BNC2: variants seen among roughly 807,000 people sequenced by gnomAD.
BNC2 encodes the protein basonuclin zinc finger protein 2.
BNC2 carries 20 observed loss-of-function variants against 76.3 expected under a neutral mutation model. The observed-to-expected ratio is 0.26, with a 90% CI of 0.18 to 0.38. The LOEUF (loss-of-function observed/expected upper bound fraction) is 0.38. Ranked by LOEUF, BNC2 falls within the 10% of genes least tolerant of loss-of-function variation. The pLI is 1.00. For synonymous variants in BNC2, 582 were observed against 514.8 expected (o/e 1.13, Z -1.77); for missense variants, 1,382 against 1,399.8 (o/e 0.99, Z 0.20).
chr9:16,738,599 A>C, intron 1 of BNC2, 114 bp from the exon 2 acceptor site: 2 of 1,196,000 alleles, frequency 1.7e-6, no homozygotes, highest in Non-Finnish European at 2.4e-6. Context: ...GACCAACTAA[A>C]CACATTTTTT....
At chr9:16,481,135 A>T (rs1375483031) in intron 5 of BNC2, among the ~76,000 whole-genome samples, 1 of 152,124 alleles carries the variant, frequency 6.6e-6, no homozygotes, top group African/African-American at 2.4e-5. Context: ...CTTTGTGTCC[A>T]TACTCTGTAT....
At position 16,517,065 on chromosome 9, in the gene BNC2, T is replaced by TTC. The variant is rs538857751; in HGVS notation, c.669+35463_669+35464dup. On this transcript the variant is annotated intron_variant, in intron 5 of 6. Transcript: ENST00000380672. ...AAAAAGTTTGGATACTGCTGTGTTG[T>TTC]TCTAAACTGACTGAGGTTTTGAGGA... 8.5e-5 allele frequency among the ~76,000 whole-genome samples: 13 copies of TTC among 152,338 alleles called. No individual in the cohort carries two copies. In the South Asian group the frequency reaches 2.7e-3, roughly 32 times the overall value.
intron 4 of BNC2, among the ~76,000 whole-genome samples, chr9:16,571,762 C>A (rs772083904): frequency 2.6e-5 from 4 of 152,084 alleles, no homozygotes; most frequent in Non-Finnish European, 5.9e-5. Flanking sequence ...CTGTGTGACA[C>A]CTGTTTTTGT....
chr9:16,480,070 A>T (rs1822013403), intron 5 of BNC2, among the ~76,000 whole-genome samples: 1 of 152,246 alleles, frequency 6.6e-6, no homozygotes, highest in Middle Eastern at 3.2e-3. Flanking sequence ...ACAACATTCA[A>T]CACAGGTAAC....
At chr9:16,786,534 T>G (rs1221412915) in intron 1 of BNC2, among the ~76,000 whole-genome samples, 2 of 152,304 alleles carry the variant, frequency 1.3e-5, no homozygotes, top group East Asian at 3.9e-4. Flanking sequence ...TCCCCCAAAC[T>G]GTGGCTCTTC....
At chr9:16,708,684 G>T (rs995843783) in intron 3 of BNC2, among the ~76,000 whole-genome samples, 10 of 152,000 alleles carry the variant, frequency 6.6e-5, no homozygotes, top group African/African-American at 2.4e-4. Context: ...AGATGGGGAG[G>T]AGCAAAATGG....
intron 5 of BNC2, among the ~76,000 whole-genome samples, chr9:16,538,649 G>C (rs1225332983): frequency 1.3e-5 from 2 of 152,130 alleles, no homozygotes; most frequent in Admixed American, 1.3e-4. Context: ...ATAAATAAGT[G>C]GGTTTTCCAT....
chr9:16,770,493 A>G (rs1321563954), intron 1 of BNC2, among the ~76,000 whole-genome samples: 1 of 152,204 alleles, frequency 6.6e-6, no homozygotes, highest in Non-Finnish European at 1.5e-5. Context: ...AAAGGAACCA[A>G]AATGACCCAT....
chr9:16,841,527 C>T (rs566368994), intron 1 of BNC2, among the ~76,000 whole-genome samples: 2 of 42,862 alleles, frequency 4.7e-5, no homozygotes, highest in East Asian at 1.6e-3. Context: ...ATCATATCAT[C>T]AAAAGCTAAT....
chr9:16,425,226 T>C (rs1020325293), intron 6 of BNC2, among the ~76,000 whole-genome samples: 1 of 152,172 alleles, frequency 6.6e-6, no homozygotes, highest in Non-Finnish European at 1.5e-5. Context: ...TTCAAATTAT[T>C]CACTTGAAGA....
At position 16,418,364 on chromosome 9, in the gene BNC2, C is replaced by T. The variant is rs1160422208; in HGVS notation, c.*625G>A. ...CTAGCCAGCAAACTATCTTTTCCTG[C>T]ATATCTAACAGCTGGATGTAACTGT... On this transcript the variant is annotated 3_prime_UTR_variant, in exon 7 of 7. Transcript: ENST00000380672. The T allele has an allele frequency of 6.6e-6, 1 of 152,636 alleles. No homozygotes were observed. The highest frequency in any genetic ancestry group is 1.5e-5 in the Non-Finnish European group (1 of 68,148). 9.5% of individuals were successfully genotyped at this position (152,636 alleles called of 1,614,324 possible).
At chr9:16,460,122 T>A (rs926045023) in intron 5 of BNC2, among the ~76,000 whole-genome samples, 2 of 152,142 alleles carry the variant, frequency 1.3e-5, no homozygotes, top group Non-Finnish European at 2.9e-5. Context: ...AACTTTAAGT[T>A]ATAATATAGA....
intron 5 of BNC2, among the ~76,000 whole-genome samples, chr9:16,518,876 C>G (rs1301275540): frequency 1.3e-5 from 2 of 152,186 alleles, no homozygotes; most frequent in Admixed American, 1.3e-4. Flanking sequence ...GCAGGGATTA[C>G]AGGCGTGAGC....
chr9:16,617,582 A>G (rs901524705), intron 3 of BNC2, among the ~76,000 whole-genome samples: 6 of 151,534 alleles, frequency 4.0e-5, no homozygotes, highest in African/African-American at 1.2e-4. Flanking sequence ...CAAGGCACAT[A>G]TAAGTATGGT....
rs186357681 is a variant in BNC2, at chr9:16,611,692, T to C, written c.331-28607A>G. ...GTCTGTTAGCATTCAGCCATGAAAA[T>C]AATAACTTGTAAGACCAGCTTGTAA... On this transcript the variant is annotated intron_variant, in intron 3 of 6. Transcript: ENST00000380672. Among the ~76,000 whole-genome samples the C allele has an allele frequency of 6.4e-4, 98 of 152,278 alleles. 1 individual carries two copies. The highest frequency in any genetic ancestry group is 3.6e-3 in the Admixed American group (55 of 15,282).
chr9:16,850,379 A>G (rs1819101219), intron 1 of BNC2, among the ~76,000 whole-genome samples: 1 of 152,218 alleles, frequency 6.6e-6, no homozygotes, highest in Non-Finnish European at 1.5e-5. Flanking sequence ...TATATAGTGA[A>G]ATGGCTTTTT....
chr9:16,681,973 T>TA (rs1822835218), intron 3 of BNC2, among the ~76,000 whole-genome samples: 1 of 152,044 alleles, frequency 6.6e-6, no homozygotes, highest in African/African-American at 2.4e-5. Context: ...CTGGTCCACT[T>TA]AGACTGCTCT....
At chr9:16,672,548 T>C (rs1822511657) in intron 3 of BNC2, among the ~76,000 whole-genome samples, 1 of 151,996 alleles carries the variant, frequency 6.6e-6, no homozygotes, top group African/African-American at 2.4e-5. Flanking sequence ...GAGCAAAAAA[T>C]CCTAACTGTT....
rs1399365675 is a variant in BNC2, at chr9:16,481,839, C to T, written c.670-44315G>A. Among the ~76,000 whole-genome samples the T allele has an allele frequency of 2.0e-5, 3 of 152,130 alleles. No individual in the cohort carries two copies. In the East Asian group the frequency reaches 5.8e-4, roughly 29 times the overall value. ...TGCCTATACACAAACACATACAGTC[C>T]AATATGCAAAGAATATGTGTGATCT... On this transcript the variant is annotated intron_variant, in intron 5 of 6. Coordinates refer to ENST00000380672, the MANE Select transcript of BNC2 (RefSeq NM_017637.6).
Sources: allele counts gnomAD v4.1 joint callset (sites outside exome capture counted in the v4.1 genomes callset), GRCh38; gene constraint gnomAD v4.1.1; transcripts MANE v1.5; gene names NCBI Gene and HGNC (gene_info 2026-07-23, HGNC 2026-07-21).